NRXN1: variants seen among roughly 807,000 people sequenced by gnomAD.
NRXN1 encodes neurexin-1.
Under a neutral mutation model 150.9 loss-of-function variants are expected in NRXN1, and 39 were observed. The ratio of observed to expected loss-of-function variants is 0.26; its 90% CI spans 0.20 to 0.34. The LOEUF (loss-of-function observed/expected upper bound fraction) is 0.34, where lower values mean the gene tolerates loss of function less well. Among genes scored for constraint, NRXN1 ranks in the 10% least tolerant of loss-of-function variants. NRXN1 has a pLI of 1.00. For missense variants in NRXN1, 1,815 were observed against 1,949.9 expected (o/e 0.93, Z 1.30); for synonymous variants, 924 against 757.0 (o/e 1.22, Z -3.62).
chr2:50,952,853 G>A (rs1283948040), intron 2 of NRXN1, among the ~76,000 whole-genome samples: 1 of 152,122 alleles, frequency 6.6e-6, no homozygotes, highest in Non-Finnish European at 1.5e-5. Flanking sequence ...TACATACGTT[G>A]CCATTTTAAT....
chr2:50,553,585 G>GC, intron 8 of NRXN1, among the ~76,000 whole-genome samples: 1 of 152,018 alleles, frequency 6.6e-6, no homozygotes, highest in East Asian at 1.9e-4. Context: ...ACATTTCTCA[G>GC]AAAAAAAATA....
At chr2:50,532,712 G>A (rs2093150111) in intron 10 of NRXN1, among the ~76,000 whole-genome samples, 1 of 152,044 alleles carries the variant, frequency 6.6e-6, no homozygotes, top group African/African-American at 2.4e-5. Flanking sequence ...AAGGCAGATG[G>A]CATCAGTAGG....
At chr2:50,629,022 T>C (rs892133849) in intron 5 of NRXN1, among the ~76,000 whole-genome samples, 2 of 151,704 alleles carry the variant, frequency 1.3e-5, no homozygotes, top group African/African-American at 4.8e-5. Context: ...ACTAGAACTC[T>C]CATACATTAT....
intron 21 of NRXN1, among the ~76,000 whole-genome samples, chr2:49,977,544 C>A (rs184330231): frequency 5.3e-5 from 8 of 152,102 alleles, no homozygotes; most frequent in African/African-American, 9.7e-5. Flanking sequence ...TATATTGTAA[C>A]GTGACAAGAT....
At chr2:50,204,058 T>C (rs1287700276) in intron 18 of NRXN1, among the ~76,000 whole-genome samples, 1 of 152,094 alleles carries the variant, frequency 6.6e-6, no homozygotes, top group Non-Finnish European at 1.5e-5. Context: ...CAAAGATCAC[T>C]AAAATGAACC....
intron 18 of NRXN1, among the ~76,000 whole-genome samples, chr2:50,118,130 C>T (rs1703328901): frequency 6.6e-6 from 1 of 152,120 alleles, no homozygotes; most frequent in African/African-American, 2.4e-5. Flanking sequence ...TTGTACTTAA[C>T]AGAATGTGTC....
intron 5 of NRXN1, among the ~76,000 whole-genome samples, chr2:50,673,517 T>C (rs1689138665): frequency 6.6e-6 from 1 of 152,060 alleles, no homozygotes; most frequent in Non-Finnish European, 1.5e-5. Context: ...AGAAAGGTAA[T>C]CTTCAGTACT....
At chr2:50,122,684 G>T (rs1421616135) in intron 18 of NRXN1, among the ~76,000 whole-genome samples, 1 of 152,202 alleles carries the variant, frequency 6.6e-6, no homozygotes, top group Non-Finnish European at 1.5e-5. Context: ...GCTCCCAGAG[G>T]TAGCATCCAT....
chr2:50,816,682 T>G (rs1177985631), intron 5 of NRXN1, among the ~76,000 whole-genome samples: 2 of 152,142 alleles, frequency 1.3e-5, no homozygotes, highest in African/African-American at 4.8e-5. Flanking sequence ...CTCGTGATGA[T>G]GTACTTACTG....
chr2:50,458,534 A>G (rs980939406), intron 17 of NRXN1, among the ~76,000 whole-genome samples: 28 of 152,162 alleles, frequency 1.8e-4, no homozygotes, highest in African/African-American at 6.5e-4. Context: ...GCTTATATTA[A>G]AATACCACAT....
chr2:50,665,369 C>T lies in NRXN1; in HGVS notation c.833-41754G>A, dbSNP rs559953530. On this transcript the variant is annotated intron_variant, in intron 5 of 22. Coordinates refer to ENST00000401669, the MANE Select transcript of NRXN1 (RefSeq NM_001330078.2). ...ATCCTGAATTTTAAACAGATAAATG[C>T]CAACCAGAATTAACTTATTTCATGC... 2.6e-5 allele frequency among the ~76,000 whole-genome samples: 4 copies of T among 151,974 alleles called. No individual in the cohort carries two copies. The East Asian group carries it at 5.8e-4, about 22-fold the overall frequency.
chr2:50,228,075 C>T (rs2064573557), intron 18 of NRXN1, among the ~76,000 whole-genome samples: 1 of 151,952 alleles, frequency 6.6e-6, no homozygotes, highest in Non-Finnish European at 1.5e-5. Flanking sequence ...CTTGTTTTGA[C>T]AGCTTGGCAT....
At chr2:50,222,147 T>C (rs2063946790) in intron 18 of NRXN1, among the ~76,000 whole-genome samples, 1 of 151,946 alleles carries the variant, frequency 6.6e-6, no homozygotes, top group Non-Finnish European at 1.5e-5. Flanking sequence ...CCTGCCTGGC[T>C]TTTCCCATAA....
intron 5 of NRXN1, among the ~76,000 whole-genome samples, chr2:50,654,862 A>T (rs1686182132): frequency 6.6e-6 from 1 of 152,032 alleles, no homozygotes; most frequent in Non-Finnish European, 1.5e-5. Flanking sequence ...CCTTCAATCT[A>T]ATCAGTAGCC....
intron 17 of NRXN1, among the ~76,000 whole-genome samples, chr2:50,422,787 G>C (rs533427072): frequency 1.3e-5 from 2 of 152,154 alleles, no homozygotes; most frequent in African/African-American, 2.4e-5. Context: ...CAAAAATTGA[G>C]AGTTAGGTCA....
intron 17 of NRXN1, chr2:50,417,087 A>T (rs1308561223): frequency 6.6e-6 from 1 of 152,110 alleles, no homozygotes; most frequent in Non-Finnish European, 1.5e-5. Context: ...ACCTACCTTG[A>T]ATGAGGAAAG....
intron 5 of NRXN1, among the ~76,000 whole-genome samples, chr2:50,672,291 G>C (rs988230918): frequency 3.3e-5 from 5 of 151,110 alleles, no homozygotes; most frequent in South Asian, 4.2e-4. Context: ...ATCACAGTTA[G>C]TCCAGGGAAA....
At chr2:50,475,037 A>T (rs1410035294) in intron 15 of NRXN1, among the ~76,000 whole-genome samples, 1 of 152,016 alleles carries the variant, frequency 6.6e-6, no homozygotes, top group Non-Finnish European at 1.5e-5. Context: ...GTGGGCTGAG[A>T]TTTATAATTT....
At chr2:50,915,336 A>T (rs938172168) in intron 5 of NRXN1, among the ~76,000 whole-genome samples, 3 of 151,572 alleles carry the variant, frequency 2.0e-5, no homozygotes, top group African/African-American at 4.8e-5. Context: ...TTACAAAAAA[A>T]GTTTCATCTC....
Sources: gnomAD v4.1 joint callset for allele counts (sites outside exome capture counted in the v4.1 genomes callset) on GRCh38, gnomAD v4.1.1 for gene constraint, MANE v1.5 for transcripts, NCBI Gene and HGNC (gene_info 2026-07-23, HGNC 2026-07-21) for gene names.